The following ZFTRAF1 variants were observed in gnomAD, a reference collection of about 807,000 sequenced individuals.
The protein encoded by ZFTRAF1 is zinc finger TRAF-type and ring finger containing 1.
At chr8:144,462,346 C>T in the ZFTRAF1 span, 1 of 501,234 alleles carries the variant, frequency 2.0e-6, no homozygotes, top group Non-Finnish European at 3.6e-6. Flanking sequence ...AGTAGAGCCG[C>T]TCCTCCAGTT....
At chr8:144,450,812 T>G in the ZFTRAF1 span, 1 of 649,962 alleles carries the variant, frequency 1.5e-6, no homozygotes, top group Non-Finnish European at 2.9e-6. Flanking sequence ...GCTGTTAGTG[T>G]GGGCAGGGCT....
the ZFTRAF1 span, chr8:144,453,259 G>A: frequency 8.4e-6 from 13 of 1,551,054 alleles, no homozygotes; most frequent in African/African-American, 2.7e-5. Flanking sequence ...CTCTCCAGGA[G>A]GGAGCGGGGA....
the ZFTRAF1 span, chr8:144,457,179 G>A: frequency 6.7e-6 from 1 of 149,116 alleles, no homozygotes; most frequent in East Asian, 2.0e-4. Context: ...GGGGAATGAT[G>A]TCATGGGGGA....
At chr8:144,461,967 G>A in the ZFTRAF1 span, among the ~76,000 whole-genome samples, 2 of 152,150 alleles carry the variant, frequency 1.3e-5, no homozygotes, top group Non-Finnish European at 2.9e-5. Flanking sequence ...AGTGTTCAGG[G>A]GACCGTGGGG....
the ZFTRAF1 span, chr8:144,450,801 G>A: frequency 8.9e-6 from 6 of 672,958 alleles, no homozygotes; most frequent in Admixed American, 8.4e-5. Context: ...GGAAAGAGCC[G>A]GCTGTTAGTG....
chr8:144,450,854 G>A, the ZFTRAF1 span: 1 of 614,464 alleles, frequency 1.6e-6, no homozygotes. Context: ...CCAGGCCGAG[G>A]GCAGGCTCAG....
At chr8:144,462,411 G>A in the ZFTRAF1 span, 1 of 370,326 alleles carries the variant, frequency 2.7e-6, no homozygotes, top group East Asian at 4.4e-5. Flanking sequence ...TCGGCTGCCC[G>A]CAGCCGCTTC....
chr8:144,460,085 T>C, the ZFTRAF1 span, among the ~76,000 whole-genome samples: 311 of 152,318 alleles, frequency 2.0e-3, 6 homozygotes, highest in Non-Finnish European at 4.0e-4. Flanking sequence ...TCTCCAGGTC[T>C]GTGTTGACCT....
At chr8:144,456,932 A>C in the ZFTRAF1 span, 1 of 150,016 alleles carries the variant, frequency 6.7e-6, no homozygotes, top group South Asian at 2.1e-4. Flanking sequence ...TGAGGGAATG[A>C]CATCACAGGG....
At chr8:144,452,365 A>G in the ZFTRAF1 span, 1 of 1,549,220 alleles carries the variant, frequency 6.5e-7, no homozygotes. Context: ...TCACCTGTGT[A>G]GCCAATCTTC....
chr8:144,453,125 C>T, the ZFTRAF1 span: 2 of 1,134,116 alleles, frequency 1.8e-6, no homozygotes, highest in South Asian at 1.5e-5. Flanking sequence ...ACAGCAGAGA[C>T]AGCCAGACCA....
chr8:144,451,849 C>T, the ZFTRAF1 span: 1,244 of 210,786 alleles, frequency 5.9e-3, 8 homozygotes, highest in Non-Finnish European at 8.9e-3. Flanking sequence ...GAGTCGGGCA[C>T]CCTCAGCTTG....
the ZFTRAF1 span, chr8:144,450,066 A>C: frequency 2.5e-6 from 1 of 392,512 alleles, no homozygotes. Context: ...GGGCTGGGGC[A>C]GGGTCGCTGT....
At chr8:144,460,396 A>C in the ZFTRAF1 span, among the ~76,000 whole-genome samples, 1 of 152,260 alleles carries the variant, frequency 6.6e-6, no homozygotes, top group South Asian at 2.1e-4. Flanking sequence ...GGTCAGAAGC[A>C]GAGCCATCAC....
chr8:144,450,169 C>T, the ZFTRAF1 span: 7 of 553,114 alleles, frequency 1.3e-5, no homozygotes, highest in South Asian at 2.1e-5. Flanking sequence ...TGGCGGCCCT[C>T]GGAAGGAGGG....
the ZFTRAF1 span, among the ~76,000 whole-genome samples, chr8:144,459,929 G>A: frequency 1.3e-5 from 2 of 152,242 alleles, no homozygotes; most frequent in Non-Finnish European, 2.9e-5. Context: ...GGTCACCAAG[G>A]AAAGCTAGTA....
At chr8:144,450,073 C>T in the ZFTRAF1 span, 1 of 411,734 alleles carries the variant, frequency 2.4e-6, no homozygotes, top group Non-Finnish European at 4.5e-6. Context: ...GGCAGGGTCG[C>T]TGTGCCTCTC....
the ZFTRAF1 span, chr8:144,453,624 C>T: frequency 1.3e-5 from 8 of 633,106 alleles, no homozygotes; most frequent in Middle Eastern, 3.0e-4. Flanking sequence ...GTGAACACTG[C>T]GAGCTGCTCA....
the ZFTRAF1 span, chr8:144,454,523 T>C: frequency 6.6e-6 from 1 of 152,220 alleles, no homozygotes; most frequent in African/African-American, 2.4e-5. Context: ...GTCAGCAGAG[T>C]TGCTCCTGTC....
Sources: allele counts gnomAD v4.1 joint callset (sites outside exome capture counted in the v4.1 genomes callset), GRCh38; gene constraint gnomAD v4.1.1; transcripts MANE v1.5; gene names NCBI Gene and HGNC (gene_info 2026-07-23, HGNC 2026-07-21).